NCALD: variants seen among roughly 807,000 people sequenced by gnomAD.
NCALD encodes the protein neurocalcin delta.
NCALD carries 10 observed loss-of-function variants against 18.6 expected under a neutral mutation model. The observed-to-expected ratio is 0.54, with a 90% CI of 0.33 to 0.91. The LOEUF is 0.91. Ranked by LOEUF, NCALD falls within the 40% of genes least tolerant of loss-of-function variation. The pLI is 0.03. For missense variants in NCALD, 184 were observed against 247.6 expected (o/e 0.74, Z 1.72); for synonymous variants, 88 against 87.4 (o/e 1.01, Z -0.04).
At chr8:101,872,246 A>G in intron 4 of NCALD, 1 of 1,425,332 alleles carries the variant, frequency 7.0e-7, no homozygotes, top group Non-Finnish European at 9.9e-7. Flanking sequence ...TCTTGAACAT[A>G]ATACTTCCCT....
intron 2 of NCALD, among the ~76,000 whole-genome samples, chr8:102,009,382 T>C (rs1368304071): frequency 6.6e-6 from 1 of 152,246 alleles, no homozygotes; most frequent in East Asian, 1.9e-4. Flanking sequence ...AGGTTGCCTG[T>C]GCACAAAGTG....
At chr8:101,764,413 C>T (rs1392655347) in intron 1 of NCALD, among the ~76,000 whole-genome samples, 2 of 152,140 alleles carry the variant, frequency 1.3e-5, no homozygotes, top group Non-Finnish European at 2.9e-5. Context: ...TTGGTCACTG[C>T]CACTGGAAAA....
chr8:101,890,625 T>C (rs1419234932), intron 3 of NCALD, among the ~76,000 whole-genome samples: 3 of 152,160 alleles, frequency 2.0e-5, no homozygotes, highest in East Asian at 3.8e-4. Flanking sequence ...GTTGAGGACA[T>C]AGCATTTATC....
intron 1 of NCALD, among the ~76,000 whole-genome samples, chr8:102,096,666 G>A (rs573186166): frequency 2.0e-5 from 3 of 151,742 alleles, no homozygotes; most frequent in South Asian, 2.1e-4. Context: ...TTAGACTGAC[G>A]GCGGGCCACC....
At chr8:101,768,895 G>A (rs1811467207) in intron 1 of NCALD, among the ~76,000 whole-genome samples, 1 of 152,124 alleles carries the variant, frequency 6.6e-6, no homozygotes, top group Non-Finnish European at 1.5e-5. Context: ...CAGGGAAAAA[G>A]GGATTTTTGC....
At chr8:101,692,977 G>A (rs1814803859) in intron 2 of NCALD, 81 bp from the exon 3 acceptor site, 3 of 998,708 alleles carry the variant, frequency 3.0e-6, no homozygotes, top group Admixed American at 1.8e-5. Context: ...TCCCAAATGC[G>A]GGCTGAAGGG....
intron 4 of NCALD, among the ~76,000 whole-genome samples, chr8:101,841,739 A>C (rs1277163735): frequency 6.6e-6 from 1 of 152,148 alleles, no homozygotes. Context: ...GTTTAGATTA[A>C]TTATGGTGGT....
intron 2 of NCALD, among the ~76,000 whole-genome samples, chr8:101,920,651 C>T (rs569567653): frequency 1.0e-3 from 155 of 152,290 alleles, no homozygotes; most frequent in African/African-American, 3.6e-3. Context: ...ATCACATGTT[C>T]TCACTTATAA....
At chr8:102,088,295 A>G (rs1020453038) in intron 1 of NCALD, among the ~76,000 whole-genome samples, 13 of 152,106 alleles carry the variant, frequency 8.5e-5, no homozygotes, top group African/African-American at 3.1e-4. Flanking sequence ...GACCTTTACC[A>G]TTTTTTATTC....
chr8:101,929,733 G>A (rs1377712736), intron 2 of NCALD, among the ~76,000 whole-genome samples: 1 of 151,712 alleles, frequency 6.6e-6, no homozygotes, highest in Non-Finnish European at 1.5e-5. Context: ...CAGGTTTGTG[G>A]GGTCTGAGCT....
At position 102,023,537 on chromosome 8, in the gene NCALD, C is replaced by G. The variant is rs187424000; in HGVS notation, c.-209-3248G>C. On this transcript the variant is annotated intron_variant, in intron 1 of 6. Transcript: ENST00000311028. Reference sequence around the variant, plus strand: ...TGCCCATTCCCAAGGGGGAATCTAGCAGGGGCAGGGAATTTGGTATATTGA... The same window carrying G: ...TGCCCATTCCCAAGGGGGAATCTAGGAGGGGCAGGGAATTTGGTATATTGA... 3.9e-3 allele frequency among the ~76,000 whole-genome samples: 596 copies of G among 152,280 alleles called. 2 individuals carry two copies. Among genetic ancestry groups the G allele is most frequent in the African/African-American group, 0.013 (523 of 41,548 alleles).
chr8:101,755,725 C>T (rs1810850444), intron 1 of NCALD, among the ~76,000 whole-genome samples: 1 of 152,214 alleles, frequency 6.6e-6, no homozygotes, highest in African/African-American at 2.4e-5. Context: ...GGCTGAAATC[C>T]TTTCCAACAT....
chr8:102,090,384 G>A (rs983926458), intron 1 of NCALD, among the ~76,000 whole-genome samples: 12 of 152,144 alleles, frequency 7.9e-5, no homozygotes, highest in African/African-American at 2.2e-4. Context: ...TCAAAAGGTG[G>A]TTTATAATCA....
At chr8:102,072,277 T>C (rs1824201379) in intron 1 of NCALD, among the ~76,000 whole-genome samples, 1 of 152,122 alleles carries the variant, frequency 6.6e-6, no homozygotes, top group Non-Finnish European at 1.5e-5. Context: ...ATACATCAAA[T>C]GATGGTGAGG....
intron 2 of NCALD, among the ~76,000 whole-genome samples, chr8:101,998,288 T>A (rs2132012990): frequency 6.6e-6 from 1 of 152,352 alleles, no homozygotes; most frequent in East Asian, 1.9e-4. Context: ...CTGCTTTGCA[T>A]TTCCTGCAAA....
chr8:102,097,458 G>C (rs1430238836), intron 1 of NCALD, among the ~76,000 whole-genome samples: 1 of 152,142 alleles, frequency 6.6e-6, no homozygotes, highest in Non-Finnish European at 1.5e-5. Flanking sequence ...ATTATTACTT[G>C]CTTTTGGCTT....
chr8:102,078,387 G>A (rs1456628674), intron 1 of NCALD, among the ~76,000 whole-genome samples: 3 of 152,090 alleles, frequency 2.0e-5, no homozygotes, highest in African/African-American at 7.2e-5. Context: ...CCACCACAGT[G>A]ATCTTTTAAA....
intron 4 of NCALD, among the ~76,000 whole-genome samples, chr8:101,804,053 C>T (rs1415401172): frequency 6.6e-6 from 1 of 152,006 alleles, no homozygotes; most frequent in African/African-American, 2.4e-5. Flanking sequence ...GATCAGTCAG[C>T]AGCCATCAAT....
intron 4 of NCALD, among the ~76,000 whole-genome samples, chr8:101,885,243 G>C (rs1056522821): frequency 2.2e-4 from 33 of 152,166 alleles, no homozygotes; most frequent in African/African-American, 6.8e-4. Flanking sequence ...TATAAACCTA[G>C]AGTCTATTCA....
Sources: gnomAD v4.1 joint callset for allele counts (sites outside exome capture counted in the v4.1 genomes callset) on GRCh38, gnomAD v4.1.1 for gene constraint, MANE v1.5 for transcripts, NCBI Gene and HGNC (gene_info 2026-07-23, HGNC 2026-07-21) for gene names.